The following HNRNPK variants were observed in gnomAD, a reference collection of about 807,000 sequenced individuals.
HNRNPK encodes dC-stretch binding protein.
A neutral mutation model predicts 67.0 loss-of-function variants in HNRNPK; 7 were observed. The ratio of observed to expected loss-of-function variants is 0.10; its 90% confidence interval spans 0.06 to 0.20. HNRNPK has a LOEUF of 0.20. HNRNPK is among the 10% of genes least tolerant of loss of function. HNRNPK has a pLI of 1.00. For synonymous variants in HNRNPK, 213 were observed against 193.7 expected (o/e 1.10, Z -0.83); for missense variants, 264 against 606.5 (o/e 0.44, Z 5.93).
chr9:83,979,897 T>G (rs528213200), intron 1 of HNRNPK, among the ~76,000 whole-genome samples: 2 of 152,292 alleles, frequency 1.3e-5, no homozygotes, highest in Middle Eastern at 6.8e-3. Flanking sequence ...ACGAGGTCCC[T>G]AGTTCCCAGT....
intron 4 of HNRNPK, among the ~76,000 whole-genome samples, chr9:83,977,424 A>G (rs1006332595): frequency 6.6e-6 from 1 of 152,216 alleles, no homozygotes; most frequent in Non-Finnish European, 1.5e-5. Context: ...GAGTCCACAC[A>G]TAATTAAGAT....
At position 83,968,655 on chromosome 9, in the gene HNRNPK, AAC is replaced by A. The variant is rs1956687128; in HGVS notation, c.*750_*751del. On this transcript the variant is annotated 3_prime_UTR_variant, in exon 17 of 17. Transcript: ENST00000376263. Reference sequence around the variant, plus strand: ...GTAGGGGCAAGCATTTGCAAAAACAAACAAAAAATCCCCAGCTTATTATAAGC... The same window carrying A: ...GTAGGGGCAAGCATTTGCAAAAACAAAAAAAATCCCCAGCTTATTATAAGC... 6.6e-6 allele frequency: 1 copy of A among 152,630 alleles called. No homozygotes were observed. The highest frequency in any genetic ancestry group is 1.5e-5 in the Non-Finnish European group (1 of 68,040). The allele number at this position is 152,630 out of a possible 1,614,324, so 9.5% of individuals were successfully genotyped here. A position where few individuals can be genotyped will look rare whatever the true frequency, so the allele number is the denominator to read the frequency against.
chr9:83,972,759 G>A lies in HNRNPK; in HGVS notation c.645+85C>T, dbSNP rs749008454. The stretch of plus-strand genomic sequence containing the variant: ...GGGAAAGGGCAAATAAAGACTATTA[G>A]ACTAAATGCTCTGAAGCTACTTTTG... On this transcript the variant is annotated intron_variant, in intron 10 of 16. Coordinates refer to ENST00000376263, the MANE Select transcript of HNRNPK (RefSeq NM_031263.4). 15 of 992,398 alleles carry A rather than the reference G, an allele frequency of 1.5e-5. No individual in the cohort carries two copies. The Admixed American group carries it at 3.2e-4, about 21-fold the overall frequency. 61.5% of individuals were successfully genotyped at this position (992,398 alleles called of 1,614,324 possible).
rs1956702425 is a variant in HNRNPK, at chr9:83,969,015, A to C, written c.*392T>G. Reference sequence around the variant, plus strand: ...TGCCAGGGACATGTGGACTATTGTTACTTTTCCTCCCTGTCCCACCCCCCA... The same window carrying C: ...TGCCAGGGACATGTGGACTATTGTTCCTTTTCCTCCCTGTCCCACCCCCCA... On this transcript the variant is annotated 3_prime_UTR_variant, in exon 17 of 17. Coordinates refer to ENST00000376263, the MANE Select transcript of HNRNPK (RefSeq NM_031263.4). The C allele has an allele frequency of 3.0e-6, 1 of 335,520 alleles. No individual in the cohort carries two copies. The highest frequency in any genetic ancestry group is 5.5e-6 in the Non-Finnish European group (1 of 183,014). 20.8% of individuals were successfully genotyped at this position (335,520 alleles called of 1,614,324 possible).
intron 12 of HNRNPK, 37 bp from the exon 13 acceptor site, chr9:83,971,393 G>T (rs542467846): frequency 1.4e-6 from 2 of 1,399,710 alleles, no homozygotes; most frequent in South Asian, 1.2e-5. Flanking sequence ...AACCCGCATT[G>T]TATTTTGTTA....
chr9:83,976,860 A>G (rs1957088761), intron 5 of HNRNPK, 135 bp downstream of exon 5: 1 of 571,416 alleles, frequency 1.8e-6, no homozygotes, highest in Non-Finnish European at 3.0e-6. Flanking sequence ...TTCGAAATCA[A>G]TTCTGTAATA....
In HNRNPK at chr9:83,972,185, G is replaced by A; in HGVS notation, c.650C>T (p.Pro217Leu). 1 of 1,587,402 alleles carries A rather than the reference G, an allele frequency of 6.3e-7. No homozygotes were observed. Among genetic ancestry groups the A allele is most frequent in the Non-Finnish European group, 8.6e-7 (1 of 1,166,172 alleles). ...KIILDLISESPIKGRAQPYDP... is the reference protein window; with the variant it reads ...KIILDLISESLIKGRAQPYDP... ...ATAAGGCTGTGCACGTCCTTTGATG[G>A]GAGACTAAAAACAGAGATGGAACAA... The change falls in exon 11 of 17, where the codon CCC (proline) becomes CTC (leucine). Residue 217 changes from proline (P) to leucine (L), a missense_variant. Pro to Leu is a moderately conservative substitution (Grantham distance 98, BLOSUM62 -3). This residue lies in a region of HNRNPK where 142 missense variants were observed against 256.5 expected (regional missense o/e 0.55). Transcript: ENST00000376263.
chr9:83,971,535 AATT>A (rs1956842132), intron 12 of HNRNPK, 134 bp downstream of exon 12: 1 of 834,438 alleles, frequency 1.2e-6, no homozygotes, highest in South Asian at 1.6e-5. Context: ...CAAATAACAG[AATT>A]ATTTAACTAG....
At chr9:83,977,110 TAC>T in intron 4 of HNRNPK, 59 bp from the exon 5 acceptor site, 1 of 1,184,508 alleles carries the variant, frequency 8.4e-7, no homozygotes, top group Non-Finnish European at 1.3e-6. Context: ...AATAGCTACC[TAC>T]GCTCTTAGAT....
intron 13 of HNRNPK, 125 bp from the exon 14 acceptor site, chr9:83,971,037 G>A (rs1353639712): frequency 2.1e-6 from 2 of 950,150 alleles, no homozygotes; most frequent in Non-Finnish European, 3.3e-6. Flanking sequence ...AAACTCTCGG[G>A]CTCAAGTGAT....
chr9:83,973,416 A>G lies in HNRNPK; in HGVS notation c.403-17T>C, dbSNP rs534766728. The G allele has an allele frequency of 2.7e-5, 39 of 1,430,178 alleles. No homozygotes were observed. The highest frequency in any genetic ancestry group is 4.6e-5 in the South Asian group (4 of 86,530). 88.6% of individuals were successfully genotyped at this position (1,430,178 alleles called of 1,614,324 possible). ...GTGTTGGTACTGTGGAGGGAGAATT[A>G]TAAAATTTTAGTCTCAAATCAACAA... On this transcript the variant is annotated splice_polypyrimidine_tract_variant and intron_variant, in intron 8 of 16. Transcript: ENST00000376263.
intron 7 of HNRNPK, 53 bp downstream of exon 7, chr9:83,974,459 ATACTT>A (rs1956986982): frequency 3.6e-6 from 3 of 832,572 alleles, no homozygotes; most frequent in Admixed American, 4.1e-5. Flanking sequence ...CCAATACAAC[ATACTT>A]TAAACATTCC....
At chr9:83,971,540 T>C in intron 12 of HNRNPK, 132 bp downstream of exon 12, 1 of 844,000 alleles carries the variant, frequency 1.2e-6, no homozygotes, top group Non-Finnish European at 2.0e-6. Flanking sequence ...AACAGAATTA[T>C]TTAACTAGTA....
intron 16 of HNRNPK, 177 bp from the exon 17 acceptor site, chr9:83,969,617 T>G (rs1956729757): frequency 8.0e-6 from 5 of 624,352 alleles, no homozygotes; most frequent in Middle Eastern, 2.5e-4. Flanking sequence ...AGAAAAATGA[T>G]GAGTAGTAAA....
rs757092061 is a variant in HNRNPK at position 83,972,056 on chromosome 9, C to G, written c.779G>C (p.Gly260Ala). 2 of 1,613,914 alleles carry G rather than the reference C, an allele frequency of 1.2e-6. No individual in the cohort carries two copies. Among genetic ancestry groups the G allele is most frequent in the Non-Finnish European group, 1.7e-6 (2 of 1,179,846 alleles). ...CCGACCAGGAGGCATTCTGTCAAAACCACCTCTTCCCCGCATGGGAAATCC... is the reference window on the plus strand; with the variant it reads ...CCGACCAGGAGGCATTCTGTCAAAAGCACCTCTTCCCCGCATGGGAAATCC... ...PVGFPMRGRG[G>A]FDRMPPGRGG... The change falls in exon 11 of 17, where the codon GGT becomes GCT. Residue 260 changes from glycine (G) to alanine (A), a missense_variant. Coordinates refer to ENST00000376263, the MANE Select transcript of HNRNPK (RefSeq NM_031263.4).
intron 8 of HNRNPK, 67 bp from the exon 9 acceptor site, chr9:83,973,466 A>G (rs1315581418): frequency 5.7e-6 from 5 of 878,144 alleles, no homozygotes; most frequent in African/African-American, 3.3e-5. Context: ...CTTATCTGCT[A>G]TAAGCATAAC....
intron 5 of HNRNPK, among the ~76,000 whole-genome samples, chr9:83,976,231 CAA>C (rs1168178580): frequency 1.3e-5 from 2 of 151,932 alleles, no homozygotes; most frequent in Non-Finnish European, 2.9e-5. Context: ...GATCTGCGAC[CAA>C]GAGAGAAATG....
At chr9:83,974,333 CTGT>C (rs1426406043) in intron 7 of HNRNPK, among the ~76,000 whole-genome samples, 181 bp downstream of exon 7, 5 of 144,476 alleles carry the variant, frequency 3.5e-5, no homozygotes, top group Non-Finnish European at 6.1e-5. Context: ...AGTGGCCAGC[CTGT>C]TTTTTTTTTT....
At chr9:83,980,249 C>G (rs1196707691), upstream of HNRNPK, 1 of 152,498 alleles carries the variant, frequency 6.6e-6, no homozygotes, top group Non-Finnish European at 1.5e-5. Context: ...CTTCTCGCGT[C>G]CTCCCCGCCG....
Sources: allele counts gnomAD v4.1 joint callset (sites outside exome capture counted in the v4.1 genomes callset), GRCh38; gene constraint gnomAD v4.1.1; regional missense constraint gnomAD v4.1.1; transcripts MANE v1.5; gene names NCBI Gene and HGNC (gene_info 2026-07-23, HGNC 2026-07-21).